AQR: variants seen among roughly 807,000 people sequenced by gnomAD.
AQR encodes aquarius intron-binding spliceosomal factor.
In AQR, 61 loss-of-function variants were observed where a neutral mutation model predicts 180.5. The ratio of observed to expected loss-of-function variants is 0.34; its 90% CI spans 0.28 to 0.42. The LOEUF (loss-of-function observed/expected upper bound fraction) is 0.42. Among genes scored for constraint, AQR ranks in the 10% least tolerant of loss-of-function variants. The probability of loss-of-function intolerance (pLI) is 1.00; values close to 1 mark genes in which losing one functional copy is unlikely to be tolerated. For synonymous variants in AQR, 551 were observed against 588.8 expected (o/e 0.94, Z 0.93); for missense variants, 1,281 against 1,798.3 (o/e 0.71, Z 5.20).
intron 32 of AQR, among the ~76,000 whole-genome samples, chr15:34,866,962 CAT>C (rs1346224678): frequency 7.9e-5 from 12 of 152,014 alleles, no homozygotes; most frequent in East Asian, 5.8e-4. Context: ...GTTAGTATGT[CAT>C]ATGAGATGAA....
intron 20 of AQR, among the ~76,000 whole-genome samples, chr15:34,900,404 T>G (rs560289695): frequency 1.6e-4 from 24 of 152,356 alleles, no homozygotes; most frequent in African/African-American, 5.5e-4. Context: ...CCTTATTAGG[T>G]ATTAGACTAC....
intron 32 of AQR, among the ~76,000 whole-genome samples, chr15:34,867,219 T>C (rs1465411555): frequency 6.6e-6 from 1 of 152,124 alleles, no homozygotes; most frequent in African/African-American, 2.4e-5. Context: ...TTAATCTCCT[T>C]TAATTTCTGA....
intron 12 of AQR, among the ~76,000 whole-genome samples, chr15:34,929,139 T>G (rs529655690): frequency 6.6e-6 from 1 of 152,304 alleles, no homozygotes; most frequent in African/African-American, 2.4e-5. Context: ...ATTCTGTAGG[T>G]TGCCTGTTTA....
intron 4 of AQR, among the ~76,000 whole-genome samples, chr15:34,952,424 C>T (rs1372103436): frequency 6.6e-6 from 1 of 152,214 alleles, no homozygotes; most frequent in Non-Finnish European, 1.5e-5. Flanking sequence ...TTATTTTCAG[C>T]ATACTGGCTA....
At chr15:34,864,056 C>T (rs1382940862) in intron 32 of AQR, among the ~76,000 whole-genome samples, 3 of 152,104 alleles carry the variant, frequency 2.0e-5, no homozygotes, top group Admixed American at 1.3e-4. Context: ...AGATTGTTCT[C>T]TGTAACATTC....
intron 16 of AQR, among the ~76,000 whole-genome samples, chr15:34,911,091 T>C (rs1893492558): frequency 6.6e-6 from 1 of 152,216 alleles, no homozygotes; most frequent in Non-Finnish European, 1.5e-5. Flanking sequence ...TTTATCCATG[T>C]TGTCAAAAAA....
intron 13 of AQR, among the ~76,000 whole-genome samples, chr15:34,924,172 G>T (rs1164663559): frequency 1.3e-5 from 2 of 152,058 alleles, no homozygotes; most frequent in African/African-American, 4.8e-5. Flanking sequence ...TATTAAAGAA[G>T]AACATTCCCA....
chr15:34,946,420 G>A (rs1283660673), intron 5 of AQR, among the ~76,000 whole-genome samples: 18 of 105,526 alleles, frequency 1.7e-4, no homozygotes, highest in East Asian at 5.5e-4. Flanking sequence ...CGCCCCGTCC[G>A]GGAGGGAGGT....
rs1892580004 is a variant in AQR at position 34,855,857 on chromosome 15, C to A, written c.*935G>T. 6.6e-6 allele frequency: 1 copy of A among 152,184 alleles called. No homozygotes were observed. Among genetic ancestry groups the A allele is most frequent in the South Asian group, 2.1e-4 (1 of 4,832 alleles). 9.4% of individuals were successfully genotyped at this position (152,184 alleles called of 1,614,324 possible). On this transcript the variant is annotated 3_prime_UTR_variant, in exon 35 of 35. Transcript: ENST00000156471. ...ACTTGAGTAGCAAGGTCCCAGGTAC[C>A]TCTGCCTTCCCATATTTGAACCACA...
Position 34,969,676 on chromosome 15 carries a change from G to GGAA in AQR, c.-64_-63insTTC, listed in dbSNP as rs2050333685. 1 of 1,540,352 alleles carries GGAA rather than the reference G, an allele frequency of 6.5e-7. No homozygotes were observed. Among genetic ancestry groups the GGAA allele is most frequent in the Non-Finnish European group, 8.8e-7 (1 of 1,137,576 alleles). Reference sequence around the variant, plus strand: ...GACCGCTCTGGGCAGCGGCAACCCTGGTCCACTTCCCTTAAGTTACTGCCG... The same window carrying GGAA: ...GACCGCTCTGGGCAGCGGCAACCCTGGAAGTCCACTTCCCTTAAGTTACTGCCG... On this transcript the variant is annotated 5_prime_UTR_variant, in exon 1 of 35. Transcript: ENST00000156471.
At chr15:34,942,241 A>T (rs1894034276) in intron 6 of AQR, among the ~76,000 whole-genome samples, 161 bp from the exon 7 acceptor site, 1 of 152,116 alleles carries the variant, frequency 6.6e-6, no homozygotes, top group African/African-American at 2.4e-5. Context: ...GCTTTAAAAA[A>T]GACTCCATCC....
intron 19 of AQR, among the ~76,000 whole-genome samples, chr15:34,902,944 A>G (rs1893354773): frequency 6.6e-6 from 1 of 152,170 alleles, no homozygotes; most frequent in South Asian, 2.1e-4. Flanking sequence ...ATTCAGATAC[A>G]TAACAAATGT....
chr15:34,935,221 C>T (rs771150370), intron 9 of AQR, among the ~76,000 whole-genome samples: 1 of 152,054 alleles, frequency 6.6e-6, no homozygotes, highest in Admixed American at 6.6e-5. Context: ...TTATTATATA[C>T]TATTTATGAG....
chr15:34,873,764 T>G (rs141632217), intron 30 of AQR, 64 bp downstream of exon 30: 49 of 1,352,112 alleles, frequency 3.6e-5, no homozygotes, highest in Non-Finnish European at 4.7e-5. Flanking sequence ...TAAGTATCAC[T>G]GATTTAGGCA....
Position 34,897,689 on chromosome 15 carries a change from T to C in AQR, c.2260A>G (p.Arg754Gly). Residue 754 changes from arginine to glycine, a missense_variant, in exon 21 of 35, where the codon AGA becomes GGA. Transcript: ENST00000156471. ...IPPFRITFPVRSGKGKKRKDA... is the reference protein window; with the variant it reads ...IPPFRITFPVGSGKGKKRKDA... ...TTCCTTTTCTTCCCTTTTCCACTTC[T>C]TACTGGAAAAGTTATCCTACAAGAC... 1 of 1,613,938 alleles carries C rather than the reference T, an allele frequency of 6.2e-7. No homozygotes were observed. Among genetic ancestry groups the C allele is most frequent in the Non-Finnish European group, 8.5e-7 (1 of 1,179,906 alleles).
chr15:34,946,430 TG>T (rs375288148), intron 5 of AQR, among the ~76,000 whole-genome samples: 54 of 97,842 alleles, frequency 5.5e-4, no homozygotes, highest in South Asian at 1.9e-3. Context: ...GGGAGGGAGG[TG>T]GGGGGGGTCA....
intron 1 of AQR, among the ~76,000 whole-genome samples, chr15:34,966,908 C>A (rs2050312471): frequency 2.0e-5 from 2 of 101,504 alleles, no homozygotes; most frequent in Admixed American, 2.8e-4. Flanking sequence ...ATGGAGTTCG[C>A]TCTTGTTGCC....
chr15:34,925,476 C>T (rs1893747040), intron 13 of AQR, among the ~76,000 whole-genome samples: 2 of 152,304 alleles, frequency 1.3e-5, no homozygotes, highest in South Asian at 4.1e-4. Context: ...CATTCTGCTT[C>T]TAGGAATCAG....
intron 15 of AQR, among the ~76,000 whole-genome samples, chr15:34,916,442 CA>C (rs10711258): frequency 0.71 from 106,917 of 149,652 alleles, 39,803 homozygotes; most frequent in Middle Eastern, 0.84. Flanking sequence ...TCCATACTAC[CA>C]AAAAAAAAAA....
Sources: allele counts gnomAD v4.1 joint callset (sites outside exome capture counted in the v4.1 genomes callset), GRCh38; gene constraint gnomAD v4.1.1; transcripts MANE v1.5; gene names NCBI Gene and HGNC (gene_info 2026-07-23, HGNC 2026-07-21).